Variants in MTUS2 observed in about 807,000 individuals in gnomAD.
The protein encoded by MTUS2 is microtubule-associated tumor suppressor candidate 2.
A neutral mutation model predicts 114.1 loss-of-function variants in MTUS2; 40 were observed. The observed-to-expected ratio is 0.35, with a 90% CI of 0.27 to 0.46. The LOEUF (loss-of-function observed/expected upper bound fraction) is 0.46. MTUS2 is among the 20% of genes least tolerant of loss of function. The pLI is 1.00. For missense variants in MTUS2, 1,679 were observed against 1,705.4 expected (o/e 0.98, Z 0.27); for synonymous variants, 688 against 672.0 (o/e 1.02, Z -0.37).
At chr13:28,897,657 G>A (rs1879362010) in intron 2 of MTUS2, among the ~76,000 whole-genome samples, 1 of 152,056 alleles carries the variant, frequency 6.6e-6, no homozygotes, top group African/African-American at 2.4e-5. Flanking sequence ...CAACCCAAAT[G>A]TCCAACAATG....
intron 5 of MTUS2, among the ~76,000 whole-genome samples, chr13:29,190,980 A>G (rs1038917506): frequency 1.3e-5 from 2 of 152,234 alleles, no homozygotes; most frequent in African/African-American, 4.8e-5. Flanking sequence ...GCTCCTTATA[A>G]GAGAGCCTTT....
At chr13:29,099,181 A>G (rs897747902) in intron 4 of MTUS2, among the ~76,000 whole-genome samples, 2 of 152,200 alleles carry the variant, frequency 1.3e-5, no homozygotes, top group African/African-American at 4.8e-5. Flanking sequence ...GCTGATACAA[A>G]CGGGCCATTA....
intron 2 of MTUS2, among the ~76,000 whole-genome samples, chr13:28,929,109 A>C (rs1268099374): frequency 6.6e-6 from 1 of 152,046 alleles, no homozygotes; most frequent in Non-Finnish European, 1.5e-5. Context: ...CAAAACCAAA[A>C]ATGTGGATCT....
intron 4 of MTUS2, among the ~76,000 whole-genome samples, chr13:29,081,459 A>G (rs983157669): frequency 2.0e-5 from 3 of 152,076 alleles, no homozygotes. Context: ...CCTGAGGCCA[A>G]TAAGGAAGAC....
intron 4 of MTUS2, among the ~76,000 whole-genome samples, chr13:29,071,408 AATTT>A: frequency 1.2e-5 from 1 of 81,958 alleles, no homozygotes; most frequent in Non-Finnish European, 2.3e-5. Context: ...ATGTTGCTTG[AATTT>A]TTTTTTTTTT....
At position 29,360,650 on chromosome 13, in the gene MTUS2, A is replaced by C. The variant is rs147207351; in HGVS notation, c.3117+1177A>C. The stretch of plus-strand genomic sequence containing the variant: ...TTCCTTTCTGGTCTAGTCACGATGC[A>C]TGACGTGATCTGGTAAGCTTGCATA... On this transcript the variant is annotated intron_variant, in intron 8 of 15. Transcript: ENST00000612955. Among the ~76,000 whole-genome samples, 1,074 of 149,086 alleles carry C rather than the reference A, an allele frequency of 7.2e-3. 15 individuals are homozygous for C. Among genetic ancestry groups the C allele is most frequent in the African/African-American group, 0.025 (1,029 of 40,602 alleles).
intron 7 of MTUS2, among the ~76,000 whole-genome samples, chr13:29,329,198 G>A (rs1900657749): frequency 6.6e-6 from 1 of 152,022 alleles, no homozygotes; most frequent in African/African-American, 2.4e-5. Context: ...TTGTTACATA[G>A]GTGTACACGT....
At chr13:29,493,486 A>G (rs1018130111) in intron 12 of MTUS2, among the ~76,000 whole-genome samples, 2 of 152,178 alleles carry the variant, frequency 1.3e-5, no homozygotes, top group Non-Finnish European at 2.9e-5. Flanking sequence ...TCATCTGGAA[A>G]TTGTGGGAGG....
chr13:29,310,860 T>G (rs1427420131), intron 6 of MTUS2, among the ~76,000 whole-genome samples: 1 of 152,150 alleles, frequency 6.6e-6, no homozygotes, highest in Non-Finnish European at 1.5e-5. Context: ...GTGCCATAAT[T>G]TAGGGTTTCT....
At chr13:29,193,940 C>A (rs1894556813) in intron 5 of MTUS2, among the ~76,000 whole-genome samples, 4 of 152,092 alleles carry the variant, frequency 2.6e-5, no homozygotes, top group Non-Finnish European at 4.4e-5. Flanking sequence ...AATAACGCCG[C>A]ATATCTACAA....
chr13:29,069,781 C>T (rs766800119), intron 4 of MTUS2, among the ~76,000 whole-genome samples: 11 of 152,102 alleles, frequency 7.2e-5, no homozygotes, highest in African/African-American at 1.7e-4. Context: ...TGACCTGATT[C>T]GTCTGTAATT....
intron 5 of MTUS2, among the ~76,000 whole-genome samples, chr13:29,191,767 T>G (rs1479087721): frequency 2.6e-5 from 4 of 152,142 alleles, no homozygotes; most frequent in African/African-American, 9.7e-5. Flanking sequence ...TCAAGGCATA[T>G]TTCCCCTGAG....
intron 2 of MTUS2, among the ~76,000 whole-genome samples, chr13:28,975,072 C>T (rs1013348660): frequency 5.3e-5 from 8 of 152,084 alleles, no homozygotes; most frequent in Non-Finnish European, 8.8e-5. Context: ...TGATCAAGCC[C>T]AGGAAATTGC....
At chr13:29,244,689 G>T (rs552415083) in intron 5 of MTUS2, among the ~76,000 whole-genome samples, 9 of 152,190 alleles carry the variant, frequency 5.9e-5, no homozygotes, top group Non-Finnish European at 1.2e-4. Context: ...GGGCGCGGTG[G>T]CTCACGCCTG....
intron 9 of MTUS2, among the ~76,000 whole-genome samples, chr13:29,440,479 C>T (rs7338026): frequency 0.68 from 103,879 of 152,002 alleles, 35,982 homozygotes; most frequent in Non-Finnish European, 0.75. Context: ...ATTAAAAATA[C>T]GAGAGTTCAT....
At chr13:29,305,907 A>G (rs1452737560) in intron 6 of MTUS2, among the ~76,000 whole-genome samples, 2 of 152,194 alleles carry the variant, frequency 1.3e-5, no homozygotes, top group African/African-American at 2.4e-5. Context: ...TGGCAAACTG[A>G]ATCCAGCAGC....
At chr13:29,283,507 TAGAC>T (rs966545258) in intron 6 of MTUS2, among the ~76,000 whole-genome samples, 14 of 152,198 alleles carry the variant, frequency 9.2e-5, no homozygotes, top group Non-Finnish European at 1.6e-4. Context: ...AGAAAATAAT[TAGAC>T]AGCCCTATGG....
intron 6 of MTUS2, among the ~76,000 whole-genome samples, chr13:29,310,082 C>T (rs1057181665): frequency 6.6e-6 from 1 of 152,120 alleles, no homozygotes; most frequent in Non-Finnish European, 1.5e-5. Flanking sequence ...CTACCCTTCC[C>T]AGCCTCTGGT....
chr13:29,311,561 C>T (rs1357551150), intron 6 of MTUS2, among the ~76,000 whole-genome samples: 1 of 152,134 alleles, frequency 6.6e-6, no homozygotes, highest in African/African-American at 2.4e-5. Context: ...GTACTTCTCT[C>T]TAATGAATAC....
Sources: gnomAD v4.1 joint callset for allele counts (sites outside exome capture counted in the v4.1 genomes callset) on GRCh38, gnomAD v4.1.1 for gene constraint, MANE v1.5 for transcripts, NCBI Gene and HGNC (gene_info 2026-07-23, HGNC 2026-07-21) for gene names.